The following LSAMP variants were observed in gnomAD, a reference collection of about 807,000 sequenced individuals.
The protein encoded by LSAMP is limbic system-associated membrane protein.
In LSAMP, 7 loss-of-function variants were observed where a neutral mutation model predicts 38.6. The ratio of observed to expected loss-of-function variants is 0.18; its 90% CI spans 0.10 to 0.34. LSAMP has a LOEUF of 0.34. LSAMP is among the 10% of genes least tolerant of loss of function. The pLI, the probability that LSAMP is intolerant of heterozygous loss-of-function variation, is 1.00. For missense variants in LSAMP, 313 were observed against 420.0 expected (o/e 0.75, Z 2.23); for synonymous variants, 154 against 166.8 (o/e 0.92, Z 0.59).
At chr3:116,269,699 C>T (rs931799405) in intron 1 of LSAMP, among the ~76,000 whole-genome samples, 2 of 152,070 alleles carry the variant, frequency 1.3e-5, no homozygotes, top group African/African-American at 2.4e-5. Context: ...TGTAGGACAA[C>T]TAGTATAAAT....
In LSAMP at chr3:116,389,980, T is replaced by G. The variant is rs139802484; in HGVS notation, c.155+54897A>C. Among the ~76,000 whole-genome samples, 305 of 152,328 alleles carry G rather than the reference T, an allele frequency of 2.0e-3. 3 individuals carry two copies. The highest frequency in any genetic ancestry group is 7.0e-3 in the African/African-American group (292 of 41,550). ...TATAGTTAAACAAAGGGTGACAGTTTTAGCTGGAACATTAAATGTCCACCA... is the reference window on the plus strand; with the variant it reads ...TATAGTTAAACAAAGGGTGACAGTTGTAGCTGGAACATTAAATGTCCACCA... On this transcript the variant is annotated intron_variant, in intron 1 of 6. Coordinates refer to ENST00000490035, the MANE Select transcript of LSAMP (RefSeq NM_002338.5).
chr3:116,430,807 G>A (rs1009044457), intron 1 of LSAMP, among the ~76,000 whole-genome samples: 4 of 151,932 alleles, frequency 2.6e-5, no homozygotes, highest in African/African-American at 9.7e-5. Flanking sequence ...CAGAAACTGT[G>A]TTATTTCTAC....
rs547048316 is a variant in LSAMP at position 116,355,071 on chromosome 3, A to C, written c.155+89806T>G. On this transcript the variant is annotated intron_variant, in intron 1 of 6. Coordinates refer to ENST00000490035, the MANE Select transcript of LSAMP (RefSeq NM_002338.5). ...CATTGTATTAGCTATTGATTCTATA[A>C]AATAAAATCGATGACATAACATTAA... 2.0e-5 allele frequency among the ~76,000 whole-genome samples: 3 copies of C among 152,256 alleles called. No homozygotes were observed. The South Asian group carries it at 6.2e-4, about 32-fold the overall frequency.
Position 116,055,716 on chromosome 3 carries a change from T to C in LSAMP, c.388+30608A>G, listed in dbSNP as rs534616436. Among the ~76,000 whole-genome samples the C allele has an allele frequency of 5.9e-5, 9 of 152,296 alleles. No homozygotes were observed. The East Asian group carries it at 1.7e-3, about 29-fold the overall frequency. Reference sequence around the variant, plus strand: ...AGTCATTTTCGTAATCCTTCAAATATATGTGGAAGAAGTGAAGAGTGATTG... The same window carrying C: ...AGTCATTTTCGTAATCCTTCAAATACATGTGGAAGAAGTGAAGAGTGATTG... On this transcript the variant is annotated intron_variant, in intron 2 of 6. Transcript: ENST00000490035.
In LSAMP at chr3:116,430,988, CT is replaced by C. The variant is rs200719968; in HGVS notation, c.155+13888del. ...TATAATCACAAATACACATAAATAA[CT>C]TTTTTTTAACATTAACTAAAATTTT... On this transcript the variant is annotated intron_variant, in intron 1 of 6. Transcript: ENST00000490035. Among the ~76,000 whole-genome samples the C allele has an allele frequency of 3.8e-3, 579 of 151,786 alleles. 5 individuals carry two copies. The highest frequency in any genetic ancestry group is 0.013 in the African/African-American group (545 of 41,448).
intron 1 of LSAMP, among the ~76,000 whole-genome samples, chr3:116,313,147 T>C (rs2047581272): frequency 6.6e-6 from 1 of 152,204 alleles, no homozygotes; most frequent in South Asian, 2.1e-4. Flanking sequence ...GCTTAACCCA[T>C]GAAGGCCTGG....
chr3:116,204,320 G>T (rs996649386), intron 1 of LSAMP, among the ~76,000 whole-genome samples: 2 of 151,724 alleles, frequency 1.3e-5, no homozygotes, highest in South Asian at 2.1e-4. Flanking sequence ...CAGATGAGTA[G>T]GTTGCGAAAA....
chr3:116,248,713 C>A (rs1296326661), intron 1 of LSAMP, among the ~76,000 whole-genome samples: 1 of 152,052 alleles, frequency 6.6e-6, no homozygotes, highest in Non-Finnish European at 1.5e-5. Flanking sequence ...CCCTTTCCTT[C>A]CCCCGACTCA....
Position 116,445,111 on chromosome 3 carries a change from G to A in LSAMP, c.-80C>T, listed in dbSNP as rs902074495. 1.4e-6 allele frequency: 2 copies of A among 1,430,134 alleles called. No homozygotes were observed. Among genetic ancestry groups the A allele is most frequent in the African/African-American group, 1.4e-5 (1 of 70,900 alleles). The allele number at this position is 1,430,134 out of a possible 1,614,324, so 88.6% of individuals were successfully genotyped here. ...TCGCGAGGAGAGGCTTCACCAACAC[G>A]GGGCTTTCATCCACAGCGAGCGCAG... On this transcript the variant is annotated 5_prime_UTR_variant, in exon 1 of 7. Coordinates refer to ENST00000490035, the MANE Select transcript of LSAMP (RefSeq NM_002338.5).
intron 3 of LSAMP, among the ~76,000 whole-genome samples, chr3:115,860,767 A>AG (rs1345847591): frequency 4.6e-5 from 7 of 152,192 alleles, no homozygotes; most frequent in African/African-American, 1.7e-4. Context: ...ACTAGAGAAG[A>AG]TTTCTGGGAG....
chr3:116,197,310 T>A (rs1335016044), intron 1 of LSAMP, among the ~76,000 whole-genome samples: 2 of 152,198 alleles, frequency 1.3e-5, no homozygotes, highest in Admixed American at 1.3e-4. Context: ...TATAACTTTG[T>A]CCTTGTCACT....
At chr3:116,281,436 T>A (rs927795499) in intron 1 of LSAMP, among the ~76,000 whole-genome samples, 1 of 152,148 alleles carries the variant, frequency 6.6e-6, no homozygotes, top group Non-Finnish European at 1.5e-5. Context: ...ACAGCTATCA[T>A]AACTGATAAA....
At chr3:116,020,855 A>C (rs1015007210) in intron 2 of LSAMP, among the ~76,000 whole-genome samples, 2 of 152,210 alleles carry the variant, frequency 1.3e-5, no homozygotes, top group African/African-American at 4.8e-5. Flanking sequence ...GGAGAAGGAC[A>C]AAAGAGCATG....
intron 1 of LSAMP, among the ~76,000 whole-genome samples, chr3:116,098,838 G>A (rs561332487): frequency 4.6e-4 from 70 of 152,120 alleles, no homozygotes; most frequent in African/African-American, 1.5e-3. Context: ...AGTTGGAGCC[G>A]GATGATCAAA....
At chr3:116,382,800 T>A (rs75396946) in intron 1 of LSAMP, among the ~76,000 whole-genome samples, 2,603 of 152,186 alleles carry the variant, frequency 0.017, 80 homozygotes, top group African/African-American at 0.059. Flanking sequence ...ATTATGGGAG[T>A]AAAAGTTGCC....
At position 115,806,461 on chromosome 3, in the gene LSAMP, G is replaced by A. The variant is rs530143026; in HGVS notation, c.*3856C>T. On this transcript the variant is annotated 3_prime_UTR_variant, in exon 7 of 7. Transcript: ENST00000490035. ...CAGGGATGGAATCTGCGACTCTGGA[G>A]GATTCAAGAAGCTCACAACTTGGTA... 17 of 152,266 alleles carry A rather than the reference G, an allele frequency of 1.1e-4. No individual in the cohort carries two copies. In the South Asian group the frequency reaches 1.2e-3, roughly 11 times the overall value. 9.4% of individuals were successfully genotyped at this position (152,266 alleles called of 1,614,324 possible). A position where few individuals can be genotyped will look rare whatever the true frequency, so the allele number is the denominator to read the frequency against.
intron 1 of LSAMP, among the ~76,000 whole-genome samples, chr3:116,113,269 C>T (rs905648944): frequency 2.2e-4 from 33 of 148,542 alleles, no homozygotes; most frequent in Non-Finnish European, 4.6e-4. Context: ...TGTATTTGGC[C>T]ATGTTAAGTC....
At chr3:115,930,850 T>A (rs1050170194) in intron 3 of LSAMP, among the ~76,000 whole-genome samples, 6 of 152,158 alleles carry the variant, frequency 3.9e-5, no homozygotes, top group African/African-American at 1.4e-4. Context: ...GTGGAGATCA[T>A]CTGGTCTTCC....
intron 1 of LSAMP, among the ~76,000 whole-genome samples, chr3:116,135,842 C>T (rs1324002935): frequency 6.6e-6 from 1 of 152,136 alleles, no homozygotes; most frequent in East Asian, 1.9e-4. Flanking sequence ...TCTCATCCTT[C>T]CTTGTTCCAC....
Sources: allele counts gnomAD v4.1 joint callset (sites outside exome capture counted in the v4.1 genomes callset), GRCh38; gene constraint gnomAD v4.1.1; transcripts MANE v1.5; gene names NCBI Gene and HGNC (gene_info 2026-07-23, HGNC 2026-07-21).